The following DEDD2 variants were observed in gnomAD, a reference collection of about 807,000 sequenced individuals.
DEDD2 encodes DNA-binding death effector domain-containing protein 2.
Under a neutral mutation model 28.9 loss-of-function variants are expected in DEDD2, and 18 were observed. The ratio of observed to expected loss-of-function variants is 0.62; its 90% confidence interval spans 0.43 to 0.92. The LOEUF is 0.92. Ranked by LOEUF, DEDD2 falls within the 40% of genes least tolerant of loss-of-function variation. The probability of loss-of-function intolerance (pLI) is 0.00; values close to 1 mark genes in which losing one functional copy is unlikely to be tolerated. For missense variants in DEDD2, 411 were observed against 463.3 expected, an observed-to-expected ratio of 0.89 and a Z score of 1.04; for synonymous variants, 211 against 206.1, an observed-to-expected ratio of 1.02 and a Z score of -0.20.
At chr19:42,217,428 G>A (rs1463452820) in intron 1 of DEDD2, among the ~76,000 whole-genome samples, 1 of 152,088 alleles carries the variant, frequency 6.6e-6, no homozygotes, top group East Asian at 1.9e-4. Flanking sequence ...TGAGTCCCCC[G>A]GCTCTACGCA....
chr19:42,209,582 G>T, intron 4 of DEDD2, 118 bp downstream of exon 4: 1 of 1,389,374 alleles, frequency 7.2e-7, no homozygotes, highest in South Asian at 1.4e-5. Flanking sequence ...TGTGGTGAAC[G>T]AGAGCTGACA....
intron 3 of DEDD2, among the ~76,000 whole-genome samples, 182 bp from the exon 4 acceptor site, chr19:42,210,022 C>T (rs1020811995): frequency 6.6e-6 from 1 of 152,028 alleles, no homozygotes; most frequent in African/African-American, 2.4e-5. Context: ...TCTAGAAGGG[C>T]AAATGAGTAC....
rs151184430 is a variant in DEDD2, at chr19:42,214,141, T to C, written c.448+992A>G. On this transcript the variant is annotated intron_variant, in intron 3 of 4. Coordinates refer to ENST00000596251, the MANE Select transcript of DEDD2 (RefSeq NM_133328.4). ...AACTGTACTAATCTTTCAACTTGTATGTTTGAAATTTCACATAATAAAAAG... is the reference window on the plus strand; with the variant it reads ...AACTGTACTAATCTTTCAACTTGTACGTTTGAAATTTCACATAATAAAAAG... Among the ~76,000 whole-genome samples, 87 of 152,352 alleles carry C rather than the reference T, an allele frequency of 5.7e-4. 1 individual carries two copies. The East Asian group carries it at 5.8e-3, about 10-fold the overall frequency.
rs562281617 is a variant in DEDD2, at chr19:42,209,817, G to A, written c.472C>T (p.Arg158Trp). 72 of 1,552,330 alleles carry A rather than the reference G, an allele frequency of 4.6e-5. No individual in the cohort carries two copies. Among genetic ancestry groups the A allele is most frequent in the Non-Finnish European group, 6.1e-5 (70 of 1,151,696 alleles). Residue 158 changes from arginine (R) to tryptophan (W), a missense_variant, in exon 4 of 5, where the codon CGG becomes TGG. Physicochemically the swap from Arg to Trp is moderately radical, Grantham distance 101 (BLOSUM62 -3). Transcript: ENST00000596251. ...ETGSPPTKRQ[R>W]RSRGRPSGGA... ...CCACTGGGCCGGCCCCGACTCCGCC[G>A]CTGCCGCTTGGTTGGGGGGGAGCCT...
chr19:42,211,436 GGAGGGAGGGAGGGAAGGAGGAAGA>G (rs941330293), intron 3 of DEDD2, among the ~76,000 whole-genome samples: 3 of 143,290 alleles, frequency 2.1e-5, no homozygotes, highest in African/African-American at 7.5e-5. Context: ...ACGGAGGGAG[GGAGGGAGGGAGGGAAGGAGGAAGA>G]GAGGGAGGGA....
At chr19:42,205,418 T>C (rs564893867) in intron 4 of DEDD2, among the ~76,000 whole-genome samples, 1 of 151,630 alleles carries the variant, frequency 6.6e-6, no homozygotes, top group African/African-American at 2.4e-5. Flanking sequence ...TCACCTGAGG[T>C]CGGGAGTTCG....
chr19:42,214,313 C>CCCAAAAAAATTAGCTGGAACTA (rs2035879708), intron 3 of DEDD2, among the ~76,000 whole-genome samples: 3 of 152,114 alleles, frequency 2.0e-5, no homozygotes, highest in Non-Finnish European at 4.4e-5. Context: ...AAAAAATTAG[C>CCCAAAAAAATTAGCTGGAACTA]CAGGCATGGT....
chr19:42,201,440 G>T lies in DEDD2; in HGVS notation c.590-1611C>A, dbSNP rs1487769324. On this transcript the variant is annotated intron_variant, in intron 4 of 4. Coordinates refer to ENST00000596251, the MANE Select transcript of DEDD2 (RefSeq NM_133328.4). ...CTAGCACTGCACACAGTGTCCAAGG[G>T]GTGCTCCCAGAATGGCAGCCACCAA... Among the ~76,000 whole-genome samples, 5 of 152,306 alleles carry T rather than the reference G, an allele frequency of 3.3e-5. No homozygotes were observed. The East Asian group carries it at 7.7e-4, about 24-fold the overall frequency.
intron 2 of DEDD2, among the ~76,000 whole-genome samples, chr19:42,216,066 G>T (rs2035955569): frequency 6.6e-6 from 1 of 152,140 alleles, no homozygotes; most frequent in Admixed American, 6.5e-5. Context: ...ATGCTCCCTG[G>T]GATTTTCTCC....
At position 42,209,860 on chromosome 19, in the gene DEDD2, G is replaced by C. The variant is rs1334913077; in HGVS notation, c.449-20C>G. The C allele has an allele frequency of 7.3e-6, 11 of 1,507,688 alleles. No homozygotes were observed. Among genetic ancestry groups the C allele is most frequent in the Non-Finnish European group, 9.7e-6 (11 of 1,129,702 alleles). 93.4% of individuals were successfully genotyped at this position (1,507,688 alleles called of 1,614,324 possible). ...GGGAGCCTGAGGGGAAAAAAATGGG[G>C]CAAGTTGAGGACCAGGATGACAGCT... On this transcript the variant is annotated intron_variant, in intron 3 of 4. Transcript: ENST00000596251.
upstream of DEDD2, chr19:42,220,018 G>A (rs2036101539): frequency 6.6e-6 from 1 of 152,258 alleles, no homozygotes; most frequent in South Asian, 2.1e-4. Context: ...GCTTTGAAAT[G>A]ACATCTCTGT....
intron 3 of DEDD2, among the ~76,000 whole-genome samples, chr19:42,214,399 A>C (rs187129310): frequency 1.3e-4 from 20 of 152,178 alleles, no homozygotes; most frequent in Middle Eastern, 3.4e-3. Context: ...CAGAGGTTGC[A>C]GTGAGCCGAG....
chr19:42,200,146 G>C (rs1423615894), intron 4 of DEDD2, among the ~76,000 whole-genome samples: 2 of 152,120 alleles, frequency 1.3e-5, no homozygotes, highest in Non-Finnish European at 2.9e-5. Flanking sequence ...GGCCCACCTA[G>C]GCCAACCTAT....
At chr19:42,202,537 C>T (rs2035373558) in intron 4 of DEDD2, among the ~76,000 whole-genome samples, 1 of 152,186 alleles carries the variant, frequency 6.6e-6, no homozygotes, top group African/African-American at 2.4e-5. Flanking sequence ...GGACAGGTCA[C>T]AGGGACAAGG....
chr19:42,211,400 AAAGG>A (rs961818242), intron 3 of DEDD2, among the ~76,000 whole-genome samples: 1 of 140,786 alleles, frequency 7.1e-6, no homozygotes, highest in African/African-American at 2.6e-5. Flanking sequence ...AGGGAGAAGA[AAAGG>A]AAGGAAGGAA....
intron 4 of DEDD2, among the ~76,000 whole-genome samples, chr19:42,206,358 C>T (rs1465370057): frequency 6.6e-6 from 1 of 152,142 alleles, no homozygotes; most frequent in Non-Finnish European, 1.5e-5. Context: ...GAACACCCTT[C>T]CCCTGACATC....
chr19:42,217,017 A>G lies in DEDD2; in HGVS notation c.-10T>C, dbSNP rs2036004354. ...ACCCGGATAGCGCCATTCCCGGGGGAGGGAGGCGGAACAAGCTCAGAACCC... is the reference window on the plus strand; with the variant it reads ...ACCCGGATAGCGCCATTCCCGGGGGGGGGAGGCGGAACAAGCTCAGAACCC... On this transcript the variant is annotated 5_prime_UTR_variant, in exon 2 of 5. Coordinates refer to ENST00000596251, the MANE Select transcript of DEDD2 (RefSeq NM_133328.4). 6.4e-7 allele frequency: 1 copy of G among 1,568,070 alleles called. No homozygotes were observed. Among genetic ancestry groups the G allele is most frequent in the Non-Finnish European group, 8.6e-7 (1 of 1,157,260 alleles).
In DEDD2 at chr19:42,205,050, C is replaced by T. The variant is rs150711054; in HGVS notation, c.589+4650G>A. On this transcript the variant is annotated intron_variant, in intron 4 of 4. Transcript: ENST00000596251. ...GGAAAACAAAACATCAAACCAGAATCTGATCAAGCCTCTCCAGACCCCACT... is the reference window on the plus strand; with the variant it reads ...GGAAAACAAAACATCAAACCAGAATTTGATCAAGCCTCTCCAGACCCCACT... 1.9e-3 allele frequency among the ~76,000 whole-genome samples: 293 copies of T among 152,252 alleles called. 3 individuals are homozygous for T. The highest frequency in any genetic ancestry group is 6.7e-3 in the African/African-American group (280 of 41,538).
rs1320047922 is a variant in DEDD2 at position 42,209,962 on chromosome 19, C to T, written c.449-122G>A. ...AGACCCTGAGTGAGCCAGTCTGCCT[C>T]CCTTCTTCAGTGGCCCTGTCTAAAA... On this transcript the variant is annotated intron_variant, in intron 3 of 4. Coordinates refer to ENST00000596251, the MANE Select transcript of DEDD2 (RefSeq NM_133328.4). 3 of 1,308,424 alleles carry T rather than the reference C, an allele frequency of 2.3e-6. No homozygotes were observed. In the African/African-American group the frequency reaches 4.6e-5, roughly 20 times the overall value. 81.1% of individuals were successfully genotyped at this position (1,308,424 alleles called of 1,614,324 possible). A position where few individuals can be genotyped will look rare whatever the true frequency, so the allele number is the denominator to read the frequency against.
Sources: gnomAD v4.1 joint callset for allele counts (sites outside exome capture counted in the v4.1 genomes callset) on GRCh38, gnomAD v4.1.1 for gene constraint, MANE v1.5 for transcripts, NCBI Gene and HGNC (gene_info 2026-07-23, HGNC 2026-07-21) for gene names.